The following CORO2B variants were observed in gnomAD, a reference collection of about 807,000 sequenced individuals.
CORO2B encodes coronin 2B.
CORO2B carries 26 observed loss-of-function variants against 58.8 expected under a neutral mutation model. The ratio of observed to expected loss-of-function variants is 0.44; its 90% CI spans 0.32 to 0.61. CORO2B has a LOEUF of 0.61. Ranked by LOEUF, CORO2B falls within the 20% of genes least tolerant of loss-of-function variation. The pLI is 0.04. For missense variants in CORO2B, 460 were observed against 645.1 expected, an observed-to-expected ratio of 0.71 and a Z score of 3.11; for synonymous variants, 242 against 253.8, an observed-to-expected ratio of 0.95 and a Z score of 0.44.
chr15:68,607,164 G>A (rs1900144767), intron 1 of CORO2B, among the ~76,000 whole-genome samples: 1 of 152,112 alleles, frequency 6.6e-6, no homozygotes, highest in Non-Finnish European at 1.5e-5. Flanking sequence ...ACCATGTCTG[G>A]GGTCTCTGCT....
intron 2 of CORO2B, among the ~76,000 whole-genome samples, chr15:68,675,229 C>T (rs888898002): frequency 6.6e-6 from 1 of 152,226 alleles, no homozygotes; most frequent in Non-Finnish European, 1.5e-5. Context: ...CTTCAGCATG[C>T]TCTGGAATTC....
intron 2 of CORO2B, among the ~76,000 whole-genome samples, chr15:68,646,753 T>C (rs1466688113): frequency 1.3e-5 from 2 of 152,226 alleles, no homozygotes; most frequent in African/African-American, 2.4e-5. Context: ...AGATAATAGA[T>C]GTGAAGCTCC....
chr15:68,651,892 T>A (rs371931175), intron 2 of CORO2B, among the ~76,000 whole-genome samples: 73 of 152,316 alleles, frequency 4.8e-4, no homozygotes, highest in African/African-American at 1.5e-3. Flanking sequence ...TATTTATGAT[T>A]AAAAATTCTT....
At chr15:68,711,336 G>A (rs1892911990) in intron 4 of CORO2B, among the ~76,000 whole-genome samples, 1 of 152,154 alleles carries the variant, frequency 6.6e-6, no homozygotes, top group South Asian at 2.1e-4. Context: ...GCTGGTGCTG[G>A]GATCTGACCA....
At chr15:68,644,569 T>G (rs1331430027) in intron 1 of CORO2B, among the ~76,000 whole-genome samples, 1 of 152,144 alleles carries the variant, frequency 6.6e-6, no homozygotes, top group Non-Finnish European at 1.5e-5. Context: ...AACCTCTCTG[T>G]GCCTGATGAT....
intron 9 of CORO2B, 130 bp downstream of exon 9, chr15:68,718,940 G>T (rs960192946): frequency 1.5e-5 from 13 of 878,694 alleles, no homozygotes; most frequent in Middle Eastern, 2.8e-4. Flanking sequence ...AACCTAATTT[G>T]GGGTGAGGGG....
chr15:68,710,757 G>A lies in CORO2B; in HGVS notation c.359G>A (p.Gly120Asp), dbSNP rs1278028261. 19 of 1,610,554 alleles carry A rather than the reference G, an allele frequency of 1.2e-5. No homozygotes were observed. The highest frequency in any genetic ancestry group is 1.6e-5 in the Non-Finnish European group (19 of 1,178,424). Residue 120 changes from glycine to aspartate, a missense_variant, in exon 4 of 12, where the codon GGC (glycine) becomes GAC (aspartate). Gly to Asp is a moderately conservative substitution (Grantham distance 94, BLOSUM62 -1). Coordinates refer to ENST00000261861, the MANE Select transcript of CORO2B (RefSeq NM_006091.5). The surrounding 1 kb of genome is among the most constrained non-coding windows in gnomAD (Gnocchi z 4.1). Reference sequence around the variant, plus strand: ...GTGCGGATCTGGGAGATCCCCGAGGGCGGGCTGAAGCGGAACATGACGGAG... The same window carrying A: ...GTGCGGATCTGGGAGATCCCCGAGGACGGGCTGAAGCGGAACATGACGGAG... ...TSVRIWEIPE[G>D]GLKRNMTEAL...
chr15:68,597,292 A>G (rs1341165834), intron 1 of CORO2B, among the ~76,000 whole-genome samples: 1 of 152,188 alleles, frequency 6.6e-6, no homozygotes, highest in Non-Finnish European at 1.5e-5. Context: ...TTCACCAGCA[A>G]CAAAATACTA....
intron 2 of CORO2B, among the ~76,000 whole-genome samples, chr15:68,657,517 CAAAAA>C (rs373642309): frequency 3.4e-5 from 3 of 87,088 alleles, no homozygotes; most frequent in Admixed American, 1.3e-4. Flanking sequence ...GATCCTGTCT[CAAAAA>C]AAAAAAAAAA....
rs930434984 is a variant in CORO2B, at chr15:68,695,225, A to G, written c.302A>G (p.Asn101Ser). The G allele has an allele frequency of 1.9e-6, 3 of 1,613,942 alleles. No individual in the cohort carries two copies. The South Asian group carries it at 3.3e-5, about 18-fold the overall frequency. ...ATCAAATGGAACCCCTTCATCGACA[A>G]CATCATTGCCTCGTGCTCGGAGGAC... The part of the protein sequence containing the change: ...LDIKWNPFID[N>S]IIASCSEDTS... The change falls in exon 3 of 12, where the codon AAC becomes AGC. Residue 101 changes from asparagine (N) to serine (S), a missense_variant. Asn to Ser is a conservative substitution (Grantham distance 46). Coordinates refer to ENST00000261861, the MANE Select transcript of CORO2B (RefSeq NM_006091.5).
chr15:68,696,767 C>T (rs974513087), intron 3 of CORO2B, among the ~76,000 whole-genome samples: 3 of 152,120 alleles, frequency 2.0e-5, no homozygotes, highest in Non-Finnish European at 4.4e-5. Flanking sequence ...GATTTCAGAG[C>T]CTCAGCTGAG....
intron 3 of CORO2B, among the ~76,000 whole-genome samples, chr15:68,700,339 G>A (rs1212097189): frequency 6.6e-6 from 1 of 150,666 alleles, no homozygotes; most frequent in East Asian, 1.9e-4. Context: ...GGTAGTGCCT[G>A]CCTGTTTCAC....
At chr15:68,612,211 T>TA (rs1362933998) in intron 1 of CORO2B, among the ~76,000 whole-genome samples, 9 of 152,252 alleles carry the variant, frequency 5.9e-5, no homozygotes, top group Non-Finnish European at 1.3e-4. Context: ...CAGATGCATG[T>TA]ACACATTGAA....
intron 8 of CORO2B, among the ~76,000 whole-genome samples, chr15:68,717,779 G>A (rs775876319): frequency 4.6e-5 from 7 of 152,228 alleles, no homozygotes; most frequent in Non-Finnish European, 1.0e-4. Context: ...ATTCCTTTAT[G>A]TGGAAGAGCA....
the CORO2B span, among the ~76,000 whole-genome samples, chr15:68,548,343 A>G: frequency 1.3e-5 from 2 of 152,144 alleles, no homozygotes; most frequent in Admixed American, 6.6e-5. Flanking sequence ...AGACTAGCCA[A>G]TGCTTTTCTC....
intron 1 of CORO2B, 101 bp downstream of exon 1, chr15:68,579,378 C>A: frequency 2.7e-6 from 3 of 1,123,892 alleles, no homozygotes; most frequent in Non-Finnish European, 3.3e-6. Flanking sequence ...GAGGGGGCGC[C>A]GGTGCCGGGA....
At chr15:68,613,367 C>A (rs992549484) in intron 1 of CORO2B, among the ~76,000 whole-genome samples, 7 of 152,178 alleles carry the variant, frequency 4.6e-5, no homozygotes, top group Non-Finnish European at 1.0e-4. Context: ...ATGGTAGAAG[C>A]GGCATATTAA....
At chr15:68,520,885 A>AAAAAATAC in the CORO2B span, among the ~76,000 whole-genome samples, 1 of 151,804 alleles carries the variant, frequency 6.6e-6, no homozygotes, top group Non-Finnish European at 1.5e-5. Context: ...ATCTCCACTG[A>AAAAAATAC]AAAAAATACA....
At position 68,715,343 on chromosome 15, in the gene CORO2B, T is replaced by A. The variant is rs371156753; in HGVS notation, c.967+32T>A. ...GGCCCCGAGGCTGCCACAGCTGGTG[T>A]GCTCATGGCACGGGAGGACATCTGG... On this transcript the variant is annotated intron_variant, in intron 8 of 11. Transcript: ENST00000261861. The A allele has an allele frequency of 2.0e-6, 3 of 1,500,804 alleles. No homozygotes were observed. The African/African-American group carries it at 4.1e-5, about 21-fold the overall frequency. The allele number at this position is 1,500,804 out of a possible 1,614,324, so 93.0% of individuals were successfully genotyped here.
Sources: allele counts gnomAD v4.1 joint callset (sites outside exome capture counted in the v4.1 genomes callset), GRCh38; gene constraint gnomAD v4.1.1; non-coding constraint Gnocchi (gnomAD v3.1); transcripts MANE v1.5; gene names NCBI Gene and HGNC (gene_info 2026-07-23, HGNC 2026-07-21).